Variants in VTA1 observed in about 807,000 individuals in gnomAD.
VTA1 encodes vacuolar protein sorting-associated protein VTA1 homolog.
A neutral mutation model predicts 36.9 loss-of-function variants in VTA1; 24 were observed. The observed-to-expected ratio is 0.65, with a 90% CI of 0.47 to 0.91. VTA1 has a LOEUF of 0.91. Among genes scored for constraint, VTA1 ranks in the 40% least tolerant of loss-of-function variants. VTA1 has a pLI of 0.00. For synonymous variants in VTA1, 142 were observed against 130.2 expected (o/e 1.09, Z -0.62); for missense variants, 393 against 377.2 (o/e 1.04, Z -0.35).
chr6:142,198,518 C>T lies in VTA1; in HGVS notation c.600C>T (p.Asp200=), dbSNP rs777015414. The T allele has an allele frequency of 1.2e-6, 2 of 1,614,144 alleles. No homozygotes were observed. The highest frequency in any genetic ancestry group is 3.3e-5 in the Admixed American group (2 of 60,026). ...PTQPSSSSTY[D]PSNMPSGNYT... ...AGCCATCATCATCTTCAACTTATGA[C>T]CCAAGCAACATGCCATCAGGCAACT... Residue 200 remains aspartate (D), a synonymous_variant, in exon 6 of 8, where the codon GAC becomes GAT. Coordinates refer to ENST00000367630, the MANE Select transcript of VTA1 (RefSeq NM_016485.5).
At chr6:142,170,460 C>G in intron 4 of VTA1, 39 bp downstream of exon 4, 1 of 1,326,882 alleles carries the variant, frequency 7.5e-7, no homozygotes, top group East Asian at 2.5e-5. Context: ...AGCTGAAGAT[C>G]AGTAATGTTT....
chr6:142,183,674 T>G (rs1220237014), intron 4 of VTA1, among the ~76,000 whole-genome samples: 5 of 152,190 alleles, frequency 3.3e-5, no homozygotes, highest in African/African-American at 9.6e-5. Flanking sequence ...AAATACATCT[T>G]GAAAATTTCC....
chr6:142,167,495 A>G (rs1774940705), intron 2 of VTA1, among the ~76,000 whole-genome samples: 1 of 152,242 alleles, frequency 6.6e-6, no homozygotes, highest in South Asian at 2.1e-4. Flanking sequence ...TTAGACAAAT[A>G]AAAACCAAAA....
At chr6:142,154,722 A>G (rs539562652) in intron 1 of VTA1, among the ~76,000 whole-genome samples, 1 of 152,232 alleles carries the variant, frequency 6.6e-6, no homozygotes, top group South Asian at 2.1e-4. Context: ...TAGCTAATAC[A>G]GTTGAAAACC....
In VTA1 at chr6:142,198,599, A is replaced by C; in HGVS notation, c.681A>C (p.Glu227Asp). Residue 227 changes from glutamate (E) to aspartate (D), a missense_variant, in exon 6 of 8, where the codon GAA (glutamate) becomes GAC (aspartate). Physicochemically the swap from Glu to Asp is conservative, Grantham distance 45. Coordinates refer to ENST00000367630, the MANE Select transcript of VTA1 (RefSeq NM_016485.5). ...GAHAPANTPA[E>D]VPHSTGVASN... ...ACGCTCCAGCTAATACACCAGCAGA[A>C]GTGCCTCACAGCACAGGTGGGAAAC... The C allele has an allele frequency of 6.2e-7, 1 of 1,612,110 alleles. No individual in the cohort carries two copies. Among genetic ancestry groups the C allele is most frequent in the Non-Finnish European group, 8.5e-7 (1 of 1,178,834 alleles).
At chr6:142,163,154 A>T (rs1367820800) in intron 1 of VTA1, among the ~76,000 whole-genome samples, 1 of 152,182 alleles carries the variant, frequency 6.6e-6, no homozygotes, top group Non-Finnish European at 1.5e-5. Context: ...GCAGTACCCT[A>T]TGTTAGTACA....
At chr6:142,217,711 A>T (rs1221541189) in intron 7 of VTA1, among the ~76,000 whole-genome samples, 1 of 151,792 alleles carries the variant, frequency 6.6e-6, no homozygotes, top group African/African-American at 2.4e-5. Flanking sequence ...TCTGATTAGT[A>T]CTCCTGAGAA....
chr6:142,165,120 A>G (rs1774888904), intron 1 of VTA1, among the ~76,000 whole-genome samples: 1 of 152,248 alleles, frequency 6.6e-6, no homozygotes, highest in East Asian at 1.9e-4. Flanking sequence ...ATATGGAGCT[A>G]TTCAGTAAAT....
intron 2 of VTA1, among the ~76,000 whole-genome samples, chr6:142,167,382 C>G (rs1389523852): frequency 6.6e-6 from 1 of 151,972 alleles, no homozygotes; most frequent in Admixed American, 6.5e-5. Flanking sequence ...AAGACTGTTA[C>G]ATTAATAGTC....
At chr6:142,213,252 A>G (rs1775937229) in intron 7 of VTA1, among the ~76,000 whole-genome samples, 1 of 152,228 alleles carries the variant, frequency 6.6e-6, no homozygotes, top group African/African-American at 2.4e-5. Context: ...AAGTCATTCA[A>G]TTGTAAAGCT....
At chr6:142,188,573 C>T (rs1775392208) in intron 4 of VTA1, among the ~76,000 whole-genome samples, 1 of 152,076 alleles carries the variant, frequency 6.6e-6, no homozygotes. Flanking sequence ...ACCTGGTGGT[C>T]TTGTAGTGCA....
chr6:142,164,359 C>T (rs1024355788), intron 1 of VTA1, among the ~76,000 whole-genome samples: 1 of 151,862 alleles, frequency 6.6e-6, no homozygotes, highest in Non-Finnish European at 1.5e-5. Flanking sequence ...CAGTATATCT[C>T]GGTTACACTT....
chr6:142,217,922 G>A (rs991603987), intron 7 of VTA1, among the ~76,000 whole-genome samples: 1 of 151,792 alleles, frequency 6.6e-6, no homozygotes, highest in Admixed American at 6.6e-5. Flanking sequence ...TAGAAAACTT[G>A]CTAAGAATAA....
chr6:142,203,874 C>T (rs1050958987), intron 6 of VTA1, 111 bp from the exon 7 acceptor site: 3 of 832,126 alleles, frequency 3.6e-6, no homozygotes, highest in Admixed American at 2.3e-5. Context: ...ATTGATGTTT[C>T]TAGAAAATAA....
At chr6:142,189,966 A>T (rs187366373) in intron 5 of VTA1, among the ~76,000 whole-genome samples, 2 of 151,982 alleles carry the variant, frequency 1.3e-5, no homozygotes, top group Admixed American at 1.3e-4. Context: ...ACTGTGTTAG[A>T]CAGGATGGTC....
rs186438701 is a variant in VTA1 at position 142,154,037 on chromosome 6, A to G, written c.112+6638A>G. On this transcript the variant is annotated intron_variant, in intron 1 of 7. Transcript: ENST00000367630. ...TACATGTATTTGTGTGTGTGTGTGT[A>G]TATTTAGTTCTAAACAGCTTTGTCA... 5.9e-5 allele frequency among the ~76,000 whole-genome samples: 9 copies of G among 151,912 alleles called. No individual in the cohort carries two copies. In the East Asian group the frequency reaches 7.7e-4, roughly 13 times the overall value.
intron 7 of VTA1, among the ~76,000 whole-genome samples, chr6:142,215,550 A>G (rs565113062): frequency 2.0e-4 from 30 of 152,322 alleles, no homozygotes; most frequent in African/African-American, 7.2e-4. Flanking sequence ...TATTGTTGGA[A>G]TTGTTAAGTG....
At chr6:142,194,772 T>C (rs1775516030) in intron 5 of VTA1, among the ~76,000 whole-genome samples, 2 of 152,120 alleles carry the variant, frequency 1.3e-5, no homozygotes, top group African/African-American at 4.8e-5. Flanking sequence ...GCAATAAATA[T>C]GTCCATTGTT....
chr6:142,166,430 C>A, intron 2 of VTA1, 108 bp downstream of exon 2: 1 of 759,634 alleles, frequency 1.3e-6, no homozygotes, highest in Non-Finnish European at 2.1e-6. Flanking sequence ...AACAATCAAA[C>A]AAAGCCATTA....
Sources: allele counts gnomAD v4.1 joint callset (sites outside exome capture counted in the v4.1 genomes callset), GRCh38; gene constraint gnomAD v4.1.1; transcripts MANE v1.5; gene names NCBI Gene and HGNC (gene_info 2026-07-23, HGNC 2026-07-21).